MBTPS1: variants seen among roughly 807,000 people sequenced by gnomAD.
The protein encoded by MBTPS1 is membrane bound transcription factor peptidase, site 1, also known as membrane-bound transcription factor site-1 protease.
A neutral mutation model predicts 127.8 loss-of-function variants in MBTPS1; 94 were observed. The ratio of observed to expected loss-of-function variants is 0.74; its 90% CI spans 0.62 to 0.87. MBTPS1 has a LOEUF of 0.87. MBTPS1 is among the 40% of genes least tolerant of loss of function. MBTPS1 has a pLI of 0.00. For missense variants in MBTPS1, 1,636 were observed against 1,353.2 expected (o/e 1.21, Z -3.28); for synonymous variants, 632 against 509.4 (o/e 1.24, Z -3.24).
intron 1 of MBTPS1, among the ~76,000 whole-genome samples, chr16:84,111,439 G>A (rs184998202): frequency 3.8e-4 from 58 of 152,212 alleles, no homozygotes; most frequent in African/African-American, 1.4e-3. Flanking sequence ...TACCCGGAAG[G>A]CTGAGGCAGG....
intron 1 of MBTPS1, among the ~76,000 whole-genome samples, chr16:84,102,996 T>C (rs2086278157): frequency 6.6e-6 from 1 of 152,200 alleles, no homozygotes; most frequent in South Asian, 2.1e-4. Context: ...TGAGGGAAAC[T>C]ACTGCTAAAG....
intron 14 of MBTPS1, 79 bp from the exon 15 acceptor site, chr16:84,068,533 C>A: frequency 1.0e-6 from 1 of 956,170 alleles, no homozygotes; most frequent in South Asian, 1.4e-5. Flanking sequence ...AGGGCCGGCT[C>A]TGCAAGAGCA....
intron 1 of MBTPS1, among the ~76,000 whole-genome samples, chr16:84,113,955 CTTTTTT>C (rs57658435): frequency 7.3e-6 from 1 of 137,070 alleles, no homozygotes; most frequent in Non-Finnish European, 1.6e-5. Context: ...GGTGTCTTCC[CTTTTTT>C]TTTTTTTTTT....
intron 10 of MBTPS1, among the ~76,000 whole-genome samples, chr16:84,084,253 C>G (rs1484219704): frequency 6.6e-6 from 1 of 152,200 alleles, no homozygotes. Context: ...CCACCGCACC[C>G]GGCCTCCTTG....
At chr16:84,097,377 T>C (rs1428208373) in intron 3 of MBTPS1, among the ~76,000 whole-genome samples, 1 of 152,238 alleles carries the variant, frequency 6.6e-6, no homozygotes, top group Non-Finnish European at 1.5e-5. Context: ...ATCATCTCCA[T>C]TTTATGAATG....
At chr16:84,082,703 G>A (rs1440620203) in intron 10 of MBTPS1, among the ~76,000 whole-genome samples, 2 of 152,210 alleles carry the variant, frequency 1.3e-5, no homozygotes, top group African/African-American at 4.8e-5. Flanking sequence ...GATGTTTGGT[G>A]TTGGAGTCTA....
At chr16:84,104,326 C>G (rs896087656) in intron 1 of MBTPS1, among the ~76,000 whole-genome samples, 2 of 151,772 alleles carry the variant, frequency 1.3e-5, no homozygotes, top group Non-Finnish European at 2.9e-5. Context: ...ACAAAAAAAA[C>G]ATTAAAAATT....
At chr16:84,071,048 T>C (rs1401417306) in intron 12 of MBTPS1, among the ~76,000 whole-genome samples, 2 of 152,204 alleles carry the variant, frequency 1.3e-5, no homozygotes, top group African/African-American at 4.8e-5. Flanking sequence ...AAACAGGAAC[T>C]TTTGTCAAAA....
chr16:84,087,220 A>T, intron 9 of MBTPS1, 138 bp downstream of exon 9: 1 of 656,582 alleles, frequency 1.5e-6, no homozygotes. Context: ...GCAGGCACTC[A>T]CAGCCCCGGC....
Position 84,063,462 on chromosome 16 carries a change from A to G in MBTPS1, c.2432-17T>C. 1 of 1,610,740 alleles carries G rather than the reference A, an allele frequency of 6.2e-7. No individual in the cohort carries two copies. Among genetic ancestry groups the G allele is most frequent in the Non-Finnish European group, 8.5e-7 (1 of 1,177,148 alleles). ...CCTCCAATCCTGAAACAACACAACAAAAAACAACAGCCATGAGAGTTTCCA... is the reference window on the plus strand; with the variant it reads ...CCTCCAATCCTGAAACAACACAACAGAAAACAACAGCCATGAGAGTTTCCA... On this transcript the variant is annotated splice_polypyrimidine_tract_variant and intron_variant, in intron 18 of 22. Transcript: ENST00000343411.
intron 8 of MBTPS1, among the ~76,000 whole-genome samples, chr16:84,090,381 C>T (rs977266150): frequency 6.6e-6 from 1 of 152,202 alleles, no homozygotes; most frequent in Non-Finnish European, 1.5e-5. Context: ...CTCATCAACT[C>T]CCAAAGCACC....
intron 1 of MBTPS1, chr16:84,110,926 C>T (rs1057110388): frequency 6.6e-6 from 1 of 152,266 alleles, no homozygotes; most frequent in Non-Finnish European, 1.5e-5. Context: ...TGGAGACCAT[C>T]TGAATGTGCA....
chr16:84,069,283 A>T (rs1438678351), intron 14 of MBTPS1, among the ~76,000 whole-genome samples: 3 of 152,230 alleles, frequency 2.0e-5, no homozygotes, highest in Non-Finnish European at 4.4e-5. Context: ...GAACAGGCAC[A>T]GGGAGAGCGG....
intron 1 of MBTPS1, among the ~76,000 whole-genome samples, chr16:84,105,111 AAAAT>A (rs1169802848): frequency 1.3e-5 from 2 of 152,052 alleles, no homozygotes; most frequent in Non-Finnish European, 2.9e-5. Context: ...TCAAAAAAAA[AAAAT>A]AAATAAATGA....
At position 84,059,424 on chromosome 16, in the gene MBTPS1, G is replaced by C. The variant is rs140362816; in HGVS notation, c.2709C>G (p.Asn903Lys). The C allele has an allele frequency of 3.9e-5, 62 of 1,607,452 alleles. No individual in the cohort carries two copies. The highest frequency in any genetic ancestry group is 5.2e-5 in the Non-Finnish European group (61 of 1,176,992). The change falls in exon 21 of 23, where the codon AAC becomes AAG. Residue 903 changes from asparagine (N) to lysine (K), a missense_variant. Asn to Lys is a moderately conservative substitution (Grantham distance 94). Transcript: ENST00000343411. ...GSVTPERMEGNHLHRYSKVLE... is the reference protein window; with the variant it reads ...GSVTPERMEGKHLHRYSKVLE... ...GAACCTTGGAGTACCGATGAAGATG[G>C]TTTCCTGTGGTTAGCAGCAACATCA...
At chr16:84,101,472 C>CA (rs1198207372) in intron 2 of MBTPS1, 149 bp downstream of exon 2, 7 of 636,578 alleles carry the variant, frequency 1.1e-5, no homozygotes, top group Non-Finnish European at 1.8e-5. Context: ...GCCTGGGTGA[C>CA]AGAGTGAGAC....
intron 11 of MBTPS1, chr16:84,075,775 C>T (rs772315900): frequency 1.3e-5 from 2 of 152,224 alleles, no homozygotes; most frequent in Non-Finnish European, 2.9e-5. Context: ...CTTTCACAGG[C>T]AGTTATAATC....
intron 8 of MBTPS1, among the ~76,000 whole-genome samples, chr16:84,088,601 T>C (rs2136665): frequency 1.3e-5 from 2 of 152,140 alleles, no homozygotes; most frequent in Non-Finnish European, 2.9e-5. Flanking sequence ...AGGGAACGCA[T>C]CAAGAAATCA....
intron 12 of MBTPS1, chr16:84,071,725 C>T (rs1461269161): frequency 1.4e-5 from 2 of 147,510 alleles, no homozygotes; most frequent in Non-Finnish European, 3.1e-5. Context: ...AAAAATTCAA[C>T]TACATGAAAT....
Sources: gnomAD v4.1 joint callset for allele counts (sites outside exome capture counted in the v4.1 genomes callset) on GRCh38, gnomAD v4.1.1 for gene constraint, MANE v1.5 for transcripts, NCBI Gene and HGNC (gene_info 2026-07-23, HGNC 2026-07-21) for gene names.